XXYLT1: variants seen among roughly 807,000 people sequenced by gnomAD.
The protein encoded by XXYLT1 is xyloside xylosyltransferase 1, also known as UDP-xylose:alpha-xyloside alpha-1,3-xylosyltransferase.
In XXYLT1, 20 loss-of-function variants were observed where a neutral mutation model predicts 28.9. That is an observed-to-expected ratio of 0.69 (90% CI 0.49 to 1.00). The LOEUF (loss-of-function observed/expected upper bound fraction) is 1.00, where lower values mean the gene tolerates loss of function less well. XXYLT1 is among the 50% of genes least tolerant of loss of function. XXYLT1 has a pLI of 0.00. For synonymous variants in XXYLT1, 257 were observed against 253.8 expected (o/e 1.01, Z -0.12); for missense variants, 542 against 560.1 (o/e 0.97, Z 0.33).
rs114650283 is a variant in XXYLT1, at chr3:195,241,083, G to A, written c.505-14227C>T. Among the ~76,000 whole-genome samples the A allele has an allele frequency of 2.7e-3, 405 of 152,332 alleles. 1 individual carries two copies. Among genetic ancestry groups the A allele is most frequent in the African/African-American group, 9.1e-3 (380 of 41,562 alleles). ...TCCCACTCTCCCACTCTCAGGCCTC[G>A]TCAAGCCTGGCAGAACACCAAGGCC... is the stretch of plus-strand genomic sequence containing the variant. On this transcript the variant is annotated intron_variant, in intron 1 of 3. Coordinates refer to ENST00000310380, the MANE Select transcript of XXYLT1 (RefSeq NM_152531.5).
chr3:195,199,587 G>A (rs1279497831), intron 2 of XXYLT1, among the ~76,000 whole-genome samples: 1 of 151,940 alleles, frequency 6.6e-6, no homozygotes, highest in Non-Finnish European at 1.5e-5. Flanking sequence ...CTCCAGCCTG[G>A]GTGACAAAGT....
intron 2 of XXYLT1, among the ~76,000 whole-genome samples, chr3:195,160,680 T>C (rs116398400): frequency 8.1e-4 from 124 of 152,268 alleles, no homozygotes; most frequent in African/African-American, 2.9e-3. Context: ...AGTGAGAGGA[T>C]CCTGACCCCA....
At chr3:195,087,949 C>T (rs920597486) in intron 3 of XXYLT1, among the ~76,000 whole-genome samples, 1 of 151,988 alleles carries the variant, frequency 6.6e-6, no homozygotes, top group Admixed American at 6.5e-5. Context: ...AATCGGGTCA[C>T]TCCCACCTGA....
At position 195,110,287 on chromosome 3, in the gene XXYLT1, A is replaced by G. The variant is rs1361404371; in HGVS notation, c.786-40176T>C. ...TGGGTGTGTGGTGTGTGTGGGGTGT[A>G]TGTGTGCGTGTGTGGTATATGTGTG... On this transcript the variant is annotated intron_variant, in intron 3 of 3. Coordinates refer to ENST00000310380, the MANE Select transcript of XXYLT1 (RefSeq NM_152531.5). 5.1e-3 allele frequency among the ~76,000 whole-genome samples: 14 copies of G among 2,754 alleles called. 3 individuals are homozygous for G. Among genetic ancestry groups the G allele is most frequent in the African/African-American group, 0.012 (7 of 576 alleles). 1.8% of individuals were successfully genotyped at this position (2,754 alleles called of 152,430 possible).
chr3:195,076,492 G>C lies in XXYLT1; in HGVS notation c.786-6381C>G, dbSNP rs935315874. Among the ~76,000 whole-genome samples the C allele has an allele frequency of 6.6e-6, 1 of 152,052 alleles. No individual in the cohort carries two copies. Among genetic ancestry groups the C allele is most frequent in the African/African-American group, 2.4e-5 (1 of 41,416 alleles). ...GACAAGCCAAGCATTCTGGAGAGTT[G>C]CCCCTGTTACAGCCTGCACAGTGGG... On this transcript the variant is annotated intron_variant, in intron 3 of 3. Transcript: ENST00000310380. This position sits in a 1 kb window ranked among gnomAD's most constrained non-coding sequence, Gnocchi z 5.3.
intron 2 of XXYLT1, among the ~76,000 whole-genome samples, chr3:195,192,522 C>T (rs936385586): frequency 2.0e-5 from 3 of 151,884 alleles, no homozygotes; most frequent in Non-Finnish European, 2.9e-5. Context: ...AAAGAGAGCA[C>T]AAGAAAACTG....
intron 3 of XXYLT1, among the ~76,000 whole-genome samples, chr3:195,145,443 C>G (rs549741411): frequency 0.025 from 3,272 of 130,690 alleles, 158 homozygotes; most frequent in African/African-American, 0.091. Flanking sequence ...GTGACTGGCA[C>G]TGATGGGGCC....
intron 2 of XXYLT1, among the ~76,000 whole-genome samples, chr3:195,183,959 G>A (rs1722067776): frequency 6.6e-6 from 1 of 152,238 alleles, no homozygotes; most frequent in African/African-American, 2.4e-5. Context: ...ATCATTTTGA[G>A]AGAAGAACAC....
At chr3:195,181,012 G>C (rs555706051) in intron 2 of XXYLT1, among the ~76,000 whole-genome samples, 1 of 152,238 alleles carries the variant, frequency 6.6e-6, no homozygotes, top group Non-Finnish European at 1.5e-5. Flanking sequence ...ACTCCAGGCC[G>C]TGAGAGGGAA....
chr3:195,126,457 T>C lies in XXYLT1; in HGVS notation c.785+29992A>G, dbSNP rs372246393. 5.9e-5 allele frequency among the ~76,000 whole-genome samples: 9 copies of C among 152,200 alleles called. No individual in the cohort carries two copies. The East Asian group carries it at 1.5e-3, about 26-fold the overall frequency. On this transcript the variant is annotated intron_variant, in intron 3 of 3. Transcript: ENST00000310380. ...TGCTGGGACTGTGTACAACAGAGCATTGTACCAAGCACTGGGGATATAAAA... is the reference window on the plus strand; with the variant it reads ...TGCTGGGACTGTGTACAACAGAGCACTGTACCAAGCACTGGGGATATAAAA...
At chr3:195,193,581 A>T (rs1174770795) in intron 2 of XXYLT1, among the ~76,000 whole-genome samples, 1 of 152,228 alleles carries the variant, frequency 6.6e-6, no homozygotes, top group African/African-American at 2.4e-5. Context: ...TAAAAAAGCC[A>T]AAACAATTTT....
At chr3:195,260,949 AG>A (rs1022704832) in intron 1 of XXYLT1, among the ~76,000 whole-genome samples, 31 of 152,186 alleles carry the variant, frequency 2.0e-4, no homozygotes, top group African/African-American at 7.5e-4. Flanking sequence ...ACAGATTGTC[AG>A]GTGGGCTACA....
intron 2 of XXYLT1, among the ~76,000 whole-genome samples, chr3:195,222,833 A>G (rs1010531680): frequency 6.6e-6 from 1 of 152,194 alleles, no homozygotes; most frequent in Admixed American, 6.5e-5. Flanking sequence ...ATCTTCATCT[A>G]TAAAAAAAGA....
chr3:195,269,093 G>A (rs2108862798), intron 1 of XXYLT1, among the ~76,000 whole-genome samples: 1 of 152,370 alleles, frequency 6.6e-6, no homozygotes, highest in East Asian at 1.9e-4. Context: ...GGAAAGCACT[G>A]GCTGTGCAGC....
chr3:195,253,042 T>C (rs901925682), intron 1 of XXYLT1, among the ~76,000 whole-genome samples: 22 of 152,182 alleles, frequency 1.4e-4, no homozygotes, highest in African/African-American at 5.1e-4. Flanking sequence ...GAATGAGATT[T>C]ACAGCTTTCC....
In XXYLT1 at chr3:195,155,172, T is replaced by C. The variant is rs1439466887; in HGVS notation, c.785+1277A>G. On this transcript the variant is annotated intron_variant, in intron 3 of 3. Coordinates refer to ENST00000310380, the MANE Select transcript of XXYLT1 (RefSeq NM_152531.5). ...GGGGCCTTGCAGGAATTTCCTGTTA[T>C]GTGATCTGGGTCATGCAAATAGCCA... Among the ~76,000 whole-genome samples the C allele has an allele frequency of 2.0e-5, 3 of 152,232 alleles. No individual in the cohort carries two copies. In the South Asian group the frequency reaches 6.2e-4, roughly 31 times the overall value.
At chr3:195,086,067 A>T (rs1452560489) in intron 3 of XXYLT1, 1 of 152,228 alleles carries the variant, frequency 6.6e-6, no homozygotes, top group Non-Finnish European at 1.5e-5. Context: ...GTACACACAG[A>T]GCACACCTGG....
chr3:195,169,657 C>G (rs1177757902), intron 2 of XXYLT1, among the ~76,000 whole-genome samples: 1 of 152,108 alleles, frequency 6.6e-6, no homozygotes, highest in Admixed American at 6.6e-5. Flanking sequence ...TATAGCCCCC[C>G]CCATAAGTAA....
intron 3 of XXYLT1, among the ~76,000 whole-genome samples, chr3:195,088,388 A>G (rs930714834): frequency 1.4e-5 from 2 of 146,684 alleles, no homozygotes; most frequent in African/African-American, 4.9e-5. Flanking sequence ...CTGACCCCCG[A>G]GCAGCCTAAC....
Sources: gnomAD v4.1 joint callset for allele counts (sites outside exome capture counted in the v4.1 genomes callset) on GRCh38, gnomAD v4.1.1 for gene constraint, Gnocchi (gnomAD v3.1) non-coding constraint, MANE v1.5 for transcripts, NCBI Gene and HGNC (gene_info 2026-07-23, HGNC 2026-07-21) for gene names.